Variants in RASGEF1C observed in about 807,000 individuals in gnomAD.
RASGEF1C encodes the protein ras-GEF domain-containing family member 1C.
RASGEF1C carries 27 observed loss-of-function variants against 58.1 expected under a neutral mutation model. The observed-to-expected ratio is 0.46, with a 90% CI of 0.34 to 0.64. RASGEF1C has a LOEUF of 0.64. RASGEF1C is among the 30% of genes least tolerant of loss of function. The pLI is 0.01. For synonymous variants in RASGEF1C, 243 were observed against 246.3 expected, an observed-to-expected ratio of 0.99 and a Z score of 0.13; for missense variants, 502 against 605.1, an observed-to-expected ratio of 0.83 and a Z score of 1.79.
chr5:180,196,297 C>G (rs1756275920), intron 1 of RASGEF1C, among the ~76,000 whole-genome samples: 2 of 152,004 alleles, frequency 1.3e-5, no homozygotes, highest in African/African-American at 4.8e-5. Flanking sequence ...GTCAGGAGTT[C>G]AAGACCAGCC....
intron 10 of RASGEF1C, 62 bp from the exon 11 acceptor site, chr5:180,114,603 G>A (rs1288875404): frequency 2.6e-6 from 4 of 1,509,758 alleles, no homozygotes; most frequent in African/African-American, 1.4e-5. Flanking sequence ...CTCCAGGACG[G>A]GGGGCAGCCT....
At chr5:180,185,421 C>A (rs1307493521) in intron 1 of RASGEF1C, among the ~76,000 whole-genome samples, 1 of 151,822 alleles carries the variant, frequency 6.6e-6, no homozygotes, top group Non-Finnish European at 1.5e-5. Flanking sequence ...CCCATCTCTA[C>A]TAAAAATACA....
chr5:180,178,800 T>G (rs1477638710), intron 1 of RASGEF1C, among the ~76,000 whole-genome samples: 3 of 151,956 alleles, frequency 2.0e-5, no homozygotes, highest in African/African-American at 7.3e-5. Context: ...GTCACTTTCC[T>G]CAGACAGCCT....
At chr5:180,147,530 T>A (rs1341595768) in intron 1 of RASGEF1C, among the ~76,000 whole-genome samples, 1 of 152,204 alleles carries the variant, frequency 6.6e-6, no homozygotes, top group African/African-American at 2.4e-5. Flanking sequence ...ATTTTCGAAT[T>A]TCCCTTGGGA....
intron 1 of RASGEF1C, among the ~76,000 whole-genome samples, chr5:180,172,882 TC>T (rs1767135267): frequency 6.6e-6 from 1 of 152,180 alleles, no homozygotes; most frequent in Non-Finnish European, 1.5e-5. Context: ...TGCTCCCGCC[TC>T]CATGCCTTTG....
intron 1 of RASGEF1C, among the ~76,000 whole-genome samples, chr5:180,193,440 T>G (rs113122244): frequency 0.029 from 4,350 of 152,248 alleles, 83 homozygotes; most frequent in Non-Finnish European, 0.047. Flanking sequence ...TCATAGTATT[T>G]TGACAGGACA....
At chr5:180,112,973 CGGAGGGACCGGGGA>C (rs1765987073) in intron 11 of RASGEF1C, among the ~76,000 whole-genome samples, 1 of 136,876 alleles carries the variant, frequency 7.3e-6, no homozygotes, top group Admixed American at 7.3e-5. Flanking sequence ...CGGGGATGGA[CGGAGGGACCGGGGA>C]TGGACGGAGG....
intron 1 of RASGEF1C, among the ~76,000 whole-genome samples, chr5:180,172,764 C>T (rs80095710): frequency 0.03 from 4,589 of 152,234 alleles, 122 homozygotes; most frequent in South Asian, 0.095. Flanking sequence ...CTCCTCTGTG[C>T]TCCTCATCTC....
chr5:180,207,269 A>T (rs576701018), intron 1 of RASGEF1C, among the ~76,000 whole-genome samples: 4 of 152,342 alleles, frequency 2.6e-5, no homozygotes, highest in African/African-American at 9.6e-5. Flanking sequence ...AAATATATTC[A>T]TGTTTGGGGG....
At chr5:180,151,220 A>G (rs966754703) in intron 1 of RASGEF1C, among the ~76,000 whole-genome samples, 1 of 152,342 alleles carries the variant, frequency 6.6e-6, no homozygotes, top group Admixed American at 6.5e-5. Flanking sequence ...AAACCACTCT[A>G]AAGTTCATAT....
intron 4 of RASGEF1C, among the ~76,000 whole-genome samples, chr5:180,130,578 A>G (rs1452846228): frequency 2.0e-5 from 3 of 152,138 alleles, no homozygotes; most frequent in African/African-American, 7.2e-5. Context: ...CACTCCCATC[A>G]GTCAATTCGT....
At chr5:180,164,422 A>G (rs1237628015) in intron 1 of RASGEF1C, among the ~76,000 whole-genome samples, 1 of 152,216 alleles carries the variant, frequency 6.6e-6, no homozygotes, top group Non-Finnish European at 1.5e-5. Context: ...TATGGGGTAC[A>G]ATGTGATGTT....
At position 180,119,208 on chromosome 5, in the gene RASGEF1C, C is replaced by G; in HGVS notation, c.907+138G>C. On this transcript the variant is annotated intron_variant, in intron 8 of 13. Coordinates refer to ENST00000361132, the MANE Select transcript of RASGEF1C (RefSeq NM_175062.4). ...AGGTGGGGACATGGGGCTGCCCAGG[C>G]CTTCAGAGAGCCCGGCCCACGCCCT... 5.3e-6 allele frequency: 4 copies of G among 751,878 alleles called. No individual in the cohort carries two copies. In the South Asian group the frequency reaches 6.4e-5, roughly 12 times the overall value. The allele number at this position is 751,878 out of a possible 1,614,324, so 46.6% of individuals were successfully genotyped here. A position where few individuals can be genotyped will look rare whatever the true frequency, so the allele number is the denominator to read the frequency against.
chr5:180,178,907 G>A (rs75794766), intron 1 of RASGEF1C, among the ~76,000 whole-genome samples: 29 of 152,270 alleles, frequency 1.9e-4, no homozygotes, highest in African/African-American at 6.3e-4. Flanking sequence ...ATGTTCTTGG[G>A]GGGGGAGGGG....
chr5:180,173,786 G>T (rs565078180), intron 1 of RASGEF1C, among the ~76,000 whole-genome samples: 1 of 152,134 alleles, frequency 6.6e-6, no homozygotes, highest in Non-Finnish European at 1.5e-5. Flanking sequence ...GGTGGTGGGC[G>T]CCTGTAATCC....
chr5:180,205,423 A>G (rs1487045745), intron 1 of RASGEF1C, among the ~76,000 whole-genome samples: 3 of 152,224 alleles, frequency 2.0e-5, no homozygotes, highest in Non-Finnish European at 4.4e-5. Context: ...AAACACTCCT[A>G]GAAGTAGTCT....
intron 1 of RASGEF1C, among the ~76,000 whole-genome samples, chr5:180,142,353 G>A (rs540053494): frequency 2.8e-4 from 43 of 152,306 alleles, no homozygotes; most frequent in African/African-American, 8.9e-4. Flanking sequence ...ACACCACTGC[G>A]GGGAGGGGTG....
chr5:180,167,480 C>A (rs1055030581), intron 1 of RASGEF1C, among the ~76,000 whole-genome samples: 7 of 151,990 alleles, frequency 4.6e-5, no homozygotes, highest in Middle Eastern at 3.4e-3. Context: ...CAGAGTGAGA[C>A]CCTGTCTCTA....
chr5:180,134,845 CA>C lies in RASGEF1C; in HGVS notation c.438+1532del, dbSNP rs1218467070. Among the ~76,000 whole-genome samples the C allele has an allele frequency of 7.3e-4, 106 of 145,470 alleles. 2 individuals carry two copies. Among genetic ancestry groups the C allele is most frequent in the Admixed American group, 9.0e-4 (13 of 14,502 alleles). ...TGCTTCCTCCTTTCTAGCATTCACCCATCCACCCACCCACCTGTCCACCCTT... is the reference window on the plus strand; with the variant it reads ...TGCTTCCTCCTTTCTAGCATTCACCCTCCACCCACCCACCTGTCCACCCTT... On this transcript the variant is annotated intron_variant, in intron 4 of 13. Coordinates refer to ENST00000361132, the MANE Select transcript of RASGEF1C (RefSeq NM_175062.4).
Sources: allele counts gnomAD v4.1 joint callset (sites outside exome capture counted in the v4.1 genomes callset), GRCh38; gene constraint gnomAD v4.1.1; transcripts MANE v1.5; gene names NCBI Gene and HGNC (gene_info 2026-07-23, HGNC 2026-07-21).